The following DSCAM variants were observed in gnomAD, a reference collection of about 807,000 sequenced individuals.
DSCAM encodes the protein DS cell adhesion molecule.
In DSCAM, 47 loss-of-function variants were observed where a neutral mutation model predicts 217.7. The ratio of observed to expected loss-of-function variants is 0.22; its 90% CI spans 0.17 to 0.28. DSCAM has a LOEUF of 0.28. DSCAM is among the 10% of genes least tolerant of loss of function. The probability of loss-of-function intolerance (pLI) is 1.00; values close to 1 mark genes in which losing one functional copy is unlikely to be tolerated. For missense variants in DSCAM, 2,080 were observed against 2,618.3 expected, an observed-to-expected ratio of 0.79 and a Z score of 4.49; for synonymous variants, 1,056 against 1,015.3, an observed-to-expected ratio of 1.04 and a Z score of -0.76.
chr21:40,700,428 G>A (rs2091897), intron 2 of DSCAM, among the ~76,000 whole-genome samples: 20,088 of 151,994 alleles, frequency 0.13, 2,343 homozygotes, highest in African/African-American at 0.32. Context: ...TTTCATCAAT[G>A]TTTTTCTGTG....
intron 3 of DSCAM, chr21:40,385,492 A>G (rs1464130861): frequency 6.6e-6 from 1 of 152,238 alleles, no homozygotes; most frequent in Non-Finnish European, 1.5e-5. Flanking sequence ...ACTGACGTCA[A>G]TTTTGCACAA....
At chr21:40,087,133 G>A (rs759868907) in intron 22 of DSCAM, 37 bp downstream of exon 22, 22 of 1,408,294 alleles carry the variant, frequency 1.6e-5, no homozygotes, top group Non-Finnish European at 2.2e-5. Flanking sequence ...TAATCTCTTA[G>A]AGTCTCACTG....
Position 40,277,720 on chromosome 21 carries a change from G to A in DSCAM, c.2183-1450C>T, listed in dbSNP as rs560691464. Among the ~76,000 whole-genome samples the A allele has an allele frequency of 1.0e-3, 150 of 144,812 alleles. 1 individual carries two copies. In the South Asian group the frequency reaches 0.022, roughly 22 times the overall value. ...ACGATTTCGGCTCACTGCAACTTCC[G>A]CCTCCTGGGTTCAAGTGATTCTCCT... On this transcript the variant is annotated intron_variant, in intron 10 of 32. Transcript: ENST00000400454.
rs552424628 is a variant in DSCAM at position 40,634,005 on chromosome 21, G to A, written c.508+58805C>T. Among the ~76,000 whole-genome samples the A allele has an allele frequency of 5.9e-5, 9 of 152,162 alleles. No individual in the cohort carries two copies. The South Asian group carries it at 1.9e-3, about 32-fold the overall frequency. On this transcript the variant is annotated intron_variant, in intron 3 of 32. Transcript: ENST00000400454. Reference sequence around the variant, plus strand: ...TTACTATTTCTTATTCTCGACCCAGGAACATAGCCTAACAAATAGAAAGAA... The same window carrying A: ...TTACTATTTCTTATTCTCGACCCAGAAACATAGCCTAACAAATAGAAAGAA...
chr21:40,648,780 T>G (rs952247292), intron 3 of DSCAM, among the ~76,000 whole-genome samples: 1 of 152,154 alleles, frequency 6.6e-6, no homozygotes, highest in South Asian at 2.1e-4. Flanking sequence ...AACTGAGGGG[T>G]TGGGGGACCA....
chr21:40,713,233 ACT>A (rs2146492548), intron 1 of DSCAM, among the ~76,000 whole-genome samples: 1 of 152,022 alleles, frequency 6.6e-6, no homozygotes, highest in South Asian at 2.1e-4. Flanking sequence ...ACCAATGAAA[ACT>A]CTAACTTTTC....
At chr21:40,250,658 A>G (rs1428149393) in intron 11 of DSCAM, among the ~76,000 whole-genome samples, 1 of 152,144 alleles carries the variant, frequency 6.6e-6, no homozygotes, top group African/African-American at 2.4e-5. Flanking sequence ...ACATTAAGAC[A>G]CTTTCCTGAA....
intron 1 of DSCAM, among the ~76,000 whole-genome samples, chr21:40,842,688 G>A (rs530817686): frequency 2.4e-4 from 37 of 152,232 alleles, no homozygotes; most frequent in African/African-American, 8.2e-4. Context: ...TACCTTGCCA[G>A]CTACCCGGAG....
intron 3 of DSCAM, among the ~76,000 whole-genome samples, chr21:40,560,425 T>C (rs1461618636): frequency 1.3e-5 from 2 of 152,152 alleles, no homozygotes; most frequent in Non-Finnish European, 1.5e-5. Flanking sequence ...ACGTTCCCCA[T>C]GTTCCCGGGG....
chr21:40,261,716 A>G (rs1051246124), intron 11 of DSCAM, among the ~76,000 whole-genome samples: 1 of 151,496 alleles, frequency 6.6e-6, no homozygotes, highest in Non-Finnish European at 1.5e-5. Context: ...CATATATACC[A>G]ATATAAAGAG....
chr21:40,338,027 A>G, intron 8 of DSCAM, 74 bp downstream of exon 8: 4 of 1,559,472 alleles, frequency 2.6e-6, no homozygotes, highest in Non-Finnish European at 3.5e-6. Flanking sequence ...GGATTACCCG[A>G]CTTCAAATCA....
intron 4 of DSCAM, among the ~76,000 whole-genome samples, chr21:40,356,011 G>C (rs573688426): frequency 1.3e-5 from 2 of 152,046 alleles, no homozygotes; most frequent in Admixed American, 1.3e-4. Flanking sequence ...TGTGTATATA[G>C]GAATGATATT....
At chr21:40,807,648 G>A (rs527824226) in intron 1 of DSCAM, among the ~76,000 whole-genome samples, 41 of 152,206 alleles carry the variant, frequency 2.7e-4, no homozygotes, top group African/African-American at 9.6e-4. Flanking sequence ...AGACCCAAAG[G>A]TCATAACAAA....
At position 40,296,259 on chromosome 21, in the gene DSCAM, A is replaced by G. The variant is rs1035445517; in HGVS notation, c.2063-85T>C. On this transcript the variant is annotated intron_variant, in intron 9 of 32. Coordinates refer to ENST00000400454, the MANE Select transcript of DSCAM (RefSeq NM_001389.5). ...GATTCTAAGAAACTGAATCATTTTA[A>G]TGAATATTAAAATATGAAGACTGTT... 12 of 1,454,774 alleles carry G rather than the reference A, an allele frequency of 8.2e-6. No homozygotes were observed. In the African/African-American group the frequency reaches 1.4e-4, roughly 17 times the overall value. The allele number at this position is 1,454,774 out of a possible 1,614,324, so 90.1% of individuals were successfully genotyped here.
intron 1 of DSCAM, among the ~76,000 whole-genome samples, chr21:40,800,311 G>A (rs993545470): frequency 2.6e-5 from 4 of 152,106 alleles, no homozygotes; most frequent in Admixed American, 1.3e-4. Context: ...CCAGGAGTGG[G>A]GTGTTGATGA....
intron 11 of DSCAM, among the ~76,000 whole-genome samples, chr21:40,257,863 T>G (rs928003962): frequency 6.6e-6 from 1 of 152,200 alleles, no homozygotes; most frequent in Non-Finnish European, 1.5e-5. Flanking sequence ...TGGTATTATG[T>G]GCCTGTTAAT....
intron 3 of DSCAM, among the ~76,000 whole-genome samples, chr21:40,508,249 T>C (rs1054155067): frequency 6.6e-6 from 1 of 152,174 alleles, no homozygotes; most frequent in Non-Finnish European, 1.5e-5. Context: ...AAATCACCAT[T>C]GCTTTTGTAA....
intron 11 of DSCAM, among the ~76,000 whole-genome samples, chr21:40,229,067 A>G (rs537938203): frequency 3.9e-5 from 6 of 152,126 alleles, no homozygotes; most frequent in South Asian, 2.1e-4. Context: ...GAGAAACCCA[A>G]CTCCCATGAT....
At chr21:40,769,758 G>A (rs1395695696) in intron 1 of DSCAM, among the ~76,000 whole-genome samples, 1 of 152,100 alleles carries the variant, frequency 6.6e-6, no homozygotes, top group Non-Finnish European at 1.5e-5. Context: ...GCTATCCTGG[G>A]TATCTGATCA....
Sources: allele counts gnomAD v4.1 joint callset (sites outside exome capture counted in the v4.1 genomes callset), GRCh38; gene constraint gnomAD v4.1.1; transcripts MANE v1.5; gene names NCBI Gene and HGNC (gene_info 2026-07-23, HGNC 2026-07-21).